The following ZNF610 variants were observed in gnomAD, a reference collection of about 807,000 sequenced individuals.
The protein encoded by ZNF610 is zink finger protein.
In ZNF610, 14 loss-of-function variants were observed where a neutral mutation model predicts 14.1. The observed-to-expected ratio is 0.99, with a 90% CI of 0.65 to 1.55. The LOEUF is 1.55. Among genes scored for constraint, ZNF610 ranks in the 40% most tolerant of loss-of-function variants. The pLI is 0.00. For missense variants in ZNF610, 530 were observed against 558.0 expected, an observed-to-expected ratio of 0.95 and a Z score of 0.51; for synonymous variants, 185 against 187.6, an observed-to-expected ratio of 0.99 and a Z score of 0.11.
intron 5 of ZNF610, among the ~76,000 whole-genome samples, chr19:52,360,215 T>G (rs1292106091): frequency 6.6e-6 from 1 of 152,252 alleles, no homozygotes; most frequent in East Asian, 1.9e-4. Context: ...ATTAGAGTTC[T>G]GCCTTGAGGC....
intron 5 of ZNF610, among the ~76,000 whole-genome samples, chr19:52,358,287 G>A (rs944351954): frequency 9.9e-5 from 15 of 152,222 alleles, no homozygotes; most frequent in South Asian, 4.1e-4. Flanking sequence ...GGGTTCAAGC[G>A]ATTCTCCTGC....
At chr19:52,345,108 C>G (rs117411341) in intron 1 of ZNF610, 3 of 152,120 alleles carry the variant, frequency 2.0e-5, no homozygotes, top group Non-Finnish European at 2.9e-5. Flanking sequence ...GCCCAGGACT[C>G]GAATCATCTC....
chr19:52,361,058 A>G (rs1017615908), intron 5 of ZNF610, among the ~76,000 whole-genome samples: 1 of 152,120 alleles, frequency 6.6e-6, no homozygotes, highest in Admixed American at 6.6e-5. Context: ...TTGATAACTA[A>G]TTCAATCTCC....
rs538306519 is a variant in ZNF610 at position 52,365,117 on chromosome 19, G to A, written c.320-581G>A. Among the ~76,000 whole-genome samples, 18 of 152,100 alleles carry A rather than the reference G, an allele frequency of 1.2e-4. No individual in the cohort carries two copies. In the South Asian group the frequency reaches 2.1e-3, roughly 18 times the overall value. On this transcript the variant is annotated intron_variant, in intron 5 of 5. Coordinates refer to ENST00000403906, the MANE Select transcript of ZNF610 (RefSeq NM_001161425.2). The stretch of plus-strand genomic sequence containing the variant: ...AAAAAAATTAGACGAACGTGGTGGC[G>A]TGCGCCTGTAGTTCCAGCTACTTGG...
intron 1 of ZNF610, chr19:52,347,136 G>T (rs1237243875): frequency 6.6e-6 from 1 of 152,236 alleles, no homozygotes; most frequent in Non-Finnish European, 1.5e-5. Flanking sequence ...AGAAGTCATT[G>T]TTATCCCAGA....
intron 3 of ZNF610, 115 bp from the exon 4 acceptor site, chr19:52,353,567 A>G (rs944750065): frequency 2.0e-5 from 23 of 1,143,068 alleles, no homozygotes; most frequent in Admixed American, 2.3e-5. Flanking sequence ...TGAAGTTTCT[A>G]TGTTTTTTAA....
chr19:52,366,205 CACG>C lies in ZNF610; in HGVS notation c.830_832del (p.Arg277del). On this transcript the variant is annotated inframe_deletion, in exon 6 of 6. Coordinates refer to ENST00000403906, the MANE Select transcript of ZNF610 (RefSeq NM_001161425.2). ...GTGTTTAATCGCAATTCAAACCTTGCACGACATCAAAGAATTCATACTGGAGAG... is the reference window on the plus strand; with the variant it reads ...GTGTTTAATCGCAATTCAAACCTTGCACATCAAAGAATTCATACTGGAGAG... 4 of 1,613,828 alleles carry C rather than the reference CACG, an allele frequency of 2.5e-6. No individual in the cohort carries two copies. Among genetic ancestry groups the C allele is most frequent in the Non-Finnish European group, 3.4e-6 (4 of 1,179,860 alleles).
chr19:52,332,428 A>G (rs1984235703), upstream of ZNF610, among the ~76,000 whole-genome samples: 1 of 152,184 alleles, frequency 6.6e-6, no homozygotes, highest in Non-Finnish European at 1.5e-5. The surrounding 1 kb of genome is among the most constrained non-coding windows in gnomAD (Gnocchi z 4.1). Flanking sequence ...TTCCACTTGG[A>G]GTTCAGTTTG....
At chr19:52,354,110 C>T (rs1327075220) in intron 4 of ZNF610, 141 bp from the exon 5 acceptor site, 2 of 1,174,292 alleles carry the variant, frequency 1.7e-6, no homozygotes, top group Non-Finnish European at 1.2e-6. Flanking sequence ...ATTCCCTAAG[C>T]ATTCAGAAGG....
At chr19:52,362,476 A>C (rs374645045) in intron 5 of ZNF610, among the ~76,000 whole-genome samples, 1 of 151,976 alleles carries the variant, frequency 6.6e-6, no homozygotes, top group Non-Finnish European at 1.5e-5. Context: ...CTGGTCTGCA[A>C]CTCCTGGCTT....
intron 5 of ZNF610, among the ~76,000 whole-genome samples, chr19:52,355,263 C>T (rs1485488316): frequency 6.6e-6 from 1 of 152,182 alleles, no homozygotes; most frequent in Non-Finnish European, 1.5e-5. Flanking sequence ...GACCTGCCCC[C>T]TTGACCTATT....
intron 4 of ZNF610, 113 bp downstream of exon 4, chr19:52,353,921 G>A: frequency 7.4e-7 from 1 of 1,360,412 alleles, no homozygotes; most frequent in East Asian, 2.3e-5. Flanking sequence ...AAACCTTGTT[G>A]ACTCAGAAAT....
intron 3 of ZNF610, among the ~76,000 whole-genome samples, chr19:52,351,136 C>T (rs1188982116): frequency 6.6e-6 from 1 of 151,938 alleles, no homozygotes; most frequent in Non-Finnish European, 1.5e-5. Context: ...CCTTTACATC[C>T]TCATGTGAAC....
intron 5 of ZNF610, among the ~76,000 whole-genome samples, chr19:52,365,121 G>T (rs995418291): frequency 2.0e-5 from 3 of 151,948 alleles, no homozygotes; most frequent in African/African-American, 7.2e-5. Flanking sequence ...GGTGGCGTGC[G>T]CCTGTAGTTC....
In ZNF610 at chr19:52,342,047, G is replaced by A. The variant is rs537845993; in HGVS notation, c.-258+5541G>A. On this transcript the variant is annotated intron_variant, in intron 1 of 5. Transcript: ENST00000403906. ...TGGTCTCAATTTCCTGGCCTCAAGC[G>A]ATTCTCCCATCTCAGCCACCCGAGT... Among the ~76,000 whole-genome samples the A allele has an allele frequency of 8.5e-5, 13 of 152,106 alleles. No homozygotes were observed. The South Asian group carries it at 2.7e-3, about 32-fold the overall frequency.
At chr19:52,351,965 A>G (rs943162057) in intron 3 of ZNF610, among the ~76,000 whole-genome samples, 4 of 152,184 alleles carry the variant, frequency 2.6e-5, no homozygotes, top group Non-Finnish European at 5.9e-5. Flanking sequence ...TTTGGGGTGC[A>G]GGAACTTGCT....
upstream of ZNF610, among the ~76,000 whole-genome samples, chr19:52,335,031 C>T (rs189171445): frequency 6.8e-6 from 1 of 147,326 alleles, no homozygotes; most frequent in East Asian, 2.0e-4. Context: ...TGCAGTGGCT[C>T]ACCCCTGTAA....
At chr19:52,338,271 T>G (rs965928042) in intron 1 of ZNF610, among the ~76,000 whole-genome samples, 2 of 152,066 alleles carry the variant, frequency 1.3e-5, no homozygotes, top group African/African-American at 4.8e-5. Context: ...TTTGCTAGAG[T>G]GGTTCACAGA....
At chr19:52,356,380 A>G (rs907066227) in intron 5 of ZNF610, among the ~76,000 whole-genome samples, 2 of 152,136 alleles carry the variant, frequency 1.3e-5, no homozygotes, top group Non-Finnish European at 2.9e-5. Flanking sequence ...TAACACTACC[A>G]TCATTTGTTC....
Sources: allele counts gnomAD v4.1 joint callset (sites outside exome capture counted in the v4.1 genomes callset), GRCh38; gene constraint gnomAD v4.1.1; non-coding constraint Gnocchi (gnomAD v3.1); transcripts MANE v1.5; gene names NCBI Gene and HGNC (gene_info 2026-07-23, HGNC 2026-07-21).